The following SNRPN variants were observed in gnomAD, a reference collection of about 807,000 sequenced individuals.
SNRPN encodes the protein small nuclear ribonucleoprotein polypeptide N, also known as small nuclear ribonucleoprotein-associated protein N.
Under a neutral mutation model 25.2 loss-of-function variants are expected in SNRPN, and 7 were observed. The observed-to-expected ratio is 0.28, with a 90% CI of 0.16 to 0.52. The LOEUF (loss-of-function observed/expected upper bound fraction) is 0.52. SNRPN is among the 20% of genes least tolerant of loss of function. The pLI, the probability that SNRPN is intolerant of heterozygous loss-of-function variation, is 0.96. For missense variants in SNRPN, 196 were observed against 322.5 expected, an observed-to-expected ratio of 0.61 and a Z score of 3.00; for synonymous variants, 124 against 110.6, an observed-to-expected ratio of 1.12 and a Z score of -0.76.
At chr15:24,961,084 T>A (rs1030243437) in intron 1 of SNRPN, among the ~76,000 whole-genome samples, 4 of 152,260 alleles carry the variant, frequency 2.6e-5, no homozygotes, top group Non-Finnish European at 4.4e-5. Flanking sequence ...TATTTTTTGA[T>A]GAAGTCCACT....
chr15:24,927,786 T>C (rs2060520207), intron 3 of SNRPN, among the ~76,000 whole-genome samples: 1 of 152,134 alleles, frequency 6.6e-6, no homozygotes, highest in Non-Finnish European at 1.5e-5. Flanking sequence ...TCCTCTGAAA[T>C]GGTTCCTCTG....
chr15:24,966,006 A>T (rs1192606273), intron 2 of SNRPN, among the ~76,000 whole-genome samples: 1 of 152,018 alleles, frequency 6.6e-6, no homozygotes, highest in East Asian at 2.0e-4. Context: ...TATGAATTAG[A>T]GTATAAAGTA....
intron 3 of SNRPN, among the ~76,000 whole-genome samples, chr15:24,934,972 G>C (rs1222693300): frequency 6.6e-6 from 1 of 152,062 alleles, no homozygotes; most frequent in Admixed American, 6.6e-5. Flanking sequence ...TTTCAGTCTA[G>C]TAGAAGTTAA....
At chr15:24,855,322 G>T (rs1251598283), upstream of SNRPN, among the ~76,000 whole-genome samples, 1 of 152,084 alleles carries the variant, frequency 6.6e-6, no homozygotes, top group African/African-American at 2.4e-5. Flanking sequence ...CATCTCAAGA[G>T]GTCGGCACTA....
intron 2 of SNRPN, among the ~76,000 whole-genome samples, chr15:24,914,202 C>A (rs571476309): frequency 6.6e-6 from 1 of 152,290 alleles, no homozygotes; most frequent in Admixed American, 6.5e-5. Context: ...TCTTAATTGT[C>A]TTCAGCTCAA....
At chr15:24,838,615 CT>C in intron 2 of SNRPN, among the ~76,000 whole-genome samples, 1 of 152,158 alleles carries the variant, frequency 6.6e-6, no homozygotes, top group South Asian at 2.1e-4. Context: ...TTGGATTGAG[CT>C]GGTGTAGCCA....
At chr15:24,851,751 A>T (rs760996806), upstream of SNRPN, 4 of 152,228 alleles carry the variant, frequency 2.6e-5, no homozygotes, top group African/African-American at 9.6e-5. Context: ...GTCCCTGTGC[A>T]TTATGAGGAA....
intron 2 of SNRPN, among the ~76,000 whole-genome samples, chr15:24,834,322 C>A (rs998551621): frequency 7.2e-5 from 11 of 152,006 alleles, no homozygotes; most frequent in Non-Finnish European, 1.2e-4. Context: ...GAGTGGGAGA[C>A]AAGATTAGAG....
At chr15:24,868,513 C>A (rs758080301) in intron 1 of SNRPN, among the ~76,000 whole-genome samples, 4 of 152,198 alleles carry the variant, frequency 2.6e-5, no homozygotes, top group Non-Finnish European at 4.4e-5. Flanking sequence ...GTGCTCTATT[C>A]TCTTGTTTCA....
chr15:24,954,965 C>A (rs939031372), upstream of SNRPN: 45 of 1,587,578 alleles, frequency 2.8e-5, no homozygotes, highest in East Asian at 9.7e-4. Context: ...GCGAAGCCTG[C>A]CGCTGCTGCA....
At chr15:24,860,456 G>A (rs917280644) in intron 1 of SNRPN, among the ~76,000 whole-genome samples, 1 of 152,150 alleles carries the variant, frequency 6.6e-6, no homozygotes, top group Non-Finnish European at 1.5e-5. Flanking sequence ...TGAGAATTGT[G>A]TTGTTCATTT....
chr15:24,971,697 G>C (rs1287744895), intron 3 of SNRPN, among the ~76,000 whole-genome samples: 1 of 152,098 alleles, frequency 6.6e-6, no homozygotes, highest in Non-Finnish European at 1.5e-5. Context: ...GCCAAGGTCT[G>C]ATTTTTCACA....
intron 1 of SNRPN, among the ~76,000 whole-genome samples, chr15:24,866,024 G>C (rs1471858848): frequency 6.6e-6 from 1 of 152,056 alleles, no homozygotes. Context: ...AACGGTTTCT[G>C]CCTCGTAGTT....
At chr15:24,947,505 T>C (rs1486438080) in intron 3 of SNRPN, among the ~76,000 whole-genome samples, 2 of 152,180 alleles carry the variant, frequency 1.3e-5, no homozygotes, top group African/African-American at 4.8e-5. Flanking sequence ...GACATGCACC[T>C]GTAGTCCCAG....
intron 2 of SNRPN, among the ~76,000 whole-genome samples, chr15:24,915,050 G>A (rs2059428815): frequency 1.3e-5 from 2 of 152,064 alleles, no homozygotes; most frequent in Admixed American, 1.3e-4. Context: ...GTATCACTTG[G>A]AAGATGGTGG....
chr15:24,918,827 T>TATATATAACATATATATGCGCAC lies in SNRPN; in HGVS notation c.-504-1176_-504-1175insCATATATATGCGCACATATATAA, dbSNP rs2059796712. ...ATATAACAATATATATATGTGCGCA[T>TATATATAACATATATATGCGCAC]ATATATAATATATATATGCGCACAT... On this transcript the variant is annotated intron_variant, in intron 2 of 11. Coordinates refer to the SNRPN transcript ENST00000400097. Among the ~76,000 whole-genome samples, 2 of 123,912 alleles carry TATATATAACATATATATGCGCAC rather than the reference T, an allele frequency of 1.6e-5. 1 individual carries two copies. The highest frequency in any genetic ancestry group is 3.2e-5 in the Non-Finnish European group (2 of 62,152). 81.3% of individuals were successfully genotyped at this position (123,912 alleles called of 152,430 possible). A position where few individuals can be genotyped will look rare whatever the true frequency, so the allele number is the denominator to read the frequency against.
upstream of SNRPN, among the ~76,000 whole-genome samples, chr15:24,951,725 C>T (rs559796454): frequency 1.5e-4 from 23 of 152,216 alleles, 1 homozygote; most frequent in South Asian, 3.1e-3. Context: ...CCAGAATAGT[C>T]TCGAACTGCT....
intron 1 of SNRPN, among the ~76,000 whole-genome samples, chr15:24,866,411 T>A (rs150705548): frequency 2.8e-4 from 42 of 152,256 alleles, no homozygotes; most frequent in African/African-American, 8.7e-4. Flanking sequence ...AGCATTTTTT[T>A]AAATAGACAC....
upstream of SNRPN, among the ~76,000 whole-genome samples, chr15:24,953,024 G>GT (rs2062404067): frequency 6.6e-6 from 1 of 152,174 alleles, no homozygotes; most frequent in Non-Finnish European, 1.5e-5. Flanking sequence ...ATTTGGTGAA[G>GT]TTCTAAGAGC....
Sources: allele counts gnomAD v4.1 joint callset (sites outside exome capture counted in the v4.1 genomes callset), GRCh38; gene constraint gnomAD v4.1.1; transcripts MANE v1.5; gene names NCBI Gene and HGNC (gene_info 2026-07-23, HGNC 2026-07-21).